PLPPR1: variants seen among roughly 807,000 people sequenced by gnomAD.
PLPPR1 encodes the protein phospholipid phosphatase-related protein type 1.
Under a neutral mutation model 33.1 loss-of-function variants are expected in PLPPR1, and 10 were observed. The observed-to-expected ratio is 0.30, with a 90% CI of 0.19 to 0.51. The LOEUF is 0.51. PLPPR1 is among the 20% of genes least tolerant of loss of function. PLPPR1 has a pLI of 0.97. For synonymous variants in PLPPR1, 151 were observed against 151.0 expected, an observed-to-expected ratio of 1.00 and a Z score of 0.00; for missense variants, 304 against 408.1, an observed-to-expected ratio of 0.74 and a Z score of 2.20.
chr9:101,296,710 A>G (rs1198004902), intron 4 of PLPPR1, among the ~76,000 whole-genome samples: 2 of 151,460 alleles, frequency 1.3e-5, no homozygotes, highest in African/African-American at 4.9e-5. Flanking sequence ...AAAACCAAAC[A>G]CCGTATATTT....
At chr9:101,252,781 G>A (rs541015195) in intron 2 of PLPPR1, among the ~76,000 whole-genome samples, 2 of 151,474 alleles carry the variant, frequency 1.3e-5, no homozygotes, top group Non-Finnish European at 2.9e-5. Flanking sequence ...CTGTTTGAAA[G>A]CAAATGTAGG....
intron 2 of PLPPR1, among the ~76,000 whole-genome samples, chr9:101,193,411 T>C (rs1826336500): frequency 6.6e-6 from 1 of 152,134 alleles, no homozygotes; most frequent in Non-Finnish European, 1.5e-5. Flanking sequence ...ACAAATCTCA[T>C]AAGTATAAGA....
intron 3 of PLPPR1, among the ~76,000 whole-genome samples, chr9:101,271,662 T>A (rs957064495): frequency 3.9e-5 from 6 of 152,100 alleles, no homozygotes; most frequent in Non-Finnish European, 8.8e-5. Context: ...TCTGGTATGG[T>A]TTCATGGTGG....
chr9:101,034,589 G>A (rs1362693505), intron 1 of PLPPR1, among the ~76,000 whole-genome samples: 1 of 152,020 alleles, frequency 6.6e-6, no homozygotes, highest in African/African-American at 2.4e-5. Flanking sequence ...TGCGACTTTG[G>A]GCACACAGTT....
At chr9:101,034,882 A>G (rs1377065719) in intron 1 of PLPPR1, among the ~76,000 whole-genome samples, 1 of 152,170 alleles carries the variant, frequency 6.6e-6, no homozygotes, top group African/African-American at 2.4e-5. Flanking sequence ...AAATTAAATC[A>G]GCAGACACAA....
chr9:101,094,007 G>A (rs1830783337), intron 1 of PLPPR1, among the ~76,000 whole-genome samples: 1 of 152,124 alleles, frequency 6.6e-6, no homozygotes. Flanking sequence ...CAGCTCTCCT[G>A]CTCCTCCTTT....
At chr9:101,231,376 T>TA (rs1827182399) in intron 2 of PLPPR1, among the ~76,000 whole-genome samples, 1 of 145,322 alleles carries the variant, frequency 6.9e-6, no homozygotes, top group Non-Finnish European at 1.5e-5. Flanking sequence ...TTTTTTTTTT[T>TA]AGTTTTGGTT....
chr9:101,300,746 T>C (rs924636771), intron 4 of PLPPR1, among the ~76,000 whole-genome samples: 4 of 152,244 alleles, frequency 2.6e-5, no homozygotes, highest in African/African-American at 9.6e-5. Flanking sequence ...TACATTTTTT[T>C]CTCCACATTT....
At chr9:101,270,101 T>C in intron 3 of PLPPR1, 33 bp downstream of exon 3, 1 of 1,600,398 alleles carries the variant, frequency 6.2e-7, no homozygotes, top group Middle Eastern at 1.7e-4. Context: ...CTCTTTATTG[T>C]CAGATACCCA....
intron 1 of PLPPR1, among the ~76,000 whole-genome samples, chr9:101,128,256 A>G (rs1239054097): frequency 6.6e-6 from 1 of 152,182 alleles, no homozygotes; most frequent in Non-Finnish European, 1.5e-5. Flanking sequence ...GCTGTAGAGA[A>G]ATTCAAAGGA....
chr9:101,041,418 G>T (rs1034943799), intron 1 of PLPPR1, among the ~76,000 whole-genome samples: 1 of 152,146 alleles, frequency 6.6e-6, no homozygotes, highest in Non-Finnish European at 1.5e-5. Flanking sequence ...ACAGATTAAG[G>T]AATCAAGGTG....
At chr9:101,099,205 C>T (rs1347735700) in intron 1 of PLPPR1, among the ~76,000 whole-genome samples, 2 of 152,132 alleles carry the variant, frequency 1.3e-5, no homozygotes, top group Non-Finnish European at 2.9e-5. Context: ...AAACCAGCAA[C>T]AGCAAAACAA....
At chr9:101,168,955 T>G (rs934499956) in intron 1 of PLPPR1, among the ~76,000 whole-genome samples, 1 of 152,150 alleles carries the variant, frequency 6.6e-6, no homozygotes, top group African/African-American at 2.4e-5. Flanking sequence ...TAATAGGGGT[T>G]TCATTATTAA....
In PLPPR1 at chr9:101,180,092, C is replaced by A. The variant is rs868381957; in HGVS notation, c.-45-5358C>A. ...GTGAGTTAATACTTAATAAACTCTC[C>A]TTTATATATATATATATATATATAT... On this transcript the variant is annotated intron_variant, in intron 1 of 7. Transcript: ENST00000374874. 6.2e-4 allele frequency among the ~76,000 whole-genome samples: 37 copies of A among 59,736 alleles called. 1 individual carries two copies. Among genetic ancestry groups the A allele is most frequent in the Admixed American group, 7.8e-4 (3 of 3,832 alleles). The allele number at this position is 59,736 out of a possible 152,430, so 39.2% of individuals were successfully genotyped here. A position where few individuals can be genotyped will look rare whatever the true frequency, so the allele number is the denominator to read the frequency against.
In PLPPR1 at chr9:101,255,830, CA is replaced by C. The variant is rs200260999; in HGVS notation, c.64-14046del. ...AATATTTAGATGTGCCTTTGCAAAGCAAAACAATTTTCCCCAATAGTGCATC... is the reference window on the plus strand; with the variant it reads ...AATATTTAGATGTGCCTTTGCAAAGCAAACAATTTTCCCCAATAGTGCATC... On this transcript the variant is annotated intron_variant, in intron 2 of 7. Transcript: ENST00000374874. Among the ~76,000 whole-genome samples the C allele has an allele frequency of 7.1e-3, 1,078 of 152,198 alleles. 9 individuals are homozygous for C. Among genetic ancestry groups the C allele is most frequent in the Non-Finnish European group, 0.012 (790 of 67,994 alleles).
intron 2 of PLPPR1, among the ~76,000 whole-genome samples, chr9:101,248,267 G>A (rs185219789): frequency 1.2e-4 from 18 of 152,200 alleles, no homozygotes; most frequent in Admixed American, 1.0e-3. Flanking sequence ...TACCTGTCAT[G>A]AACAACATTA....
chr9:101,314,672 A>G (rs1037507061), intron 6 of PLPPR1, among the ~76,000 whole-genome samples: 16 of 152,196 alleles, frequency 1.1e-4, no homozygotes, highest in African/African-American at 3.9e-4. Context: ...GTGTTGACGC[A>G]GACACAAAGT....
At chr9:101,233,831 G>A (rs1376901859) in intron 2 of PLPPR1, among the ~76,000 whole-genome samples, 1 of 151,840 alleles carries the variant, frequency 6.6e-6, no homozygotes, top group African/African-American at 2.4e-5. Flanking sequence ...TTCAGAAAGT[G>A]GCCAGAACAA....
At chr9:101,031,267 C>T (rs765239470) in intron 1 of PLPPR1, among the ~76,000 whole-genome samples, 1 of 152,040 alleles carries the variant, frequency 6.6e-6, no homozygotes, top group Non-Finnish European at 1.5e-5. Flanking sequence ...TATATATTTC[C>T]TCTTCCTTCA....
Sources: allele counts gnomAD v4.1 joint callset (sites outside exome capture counted in the v4.1 genomes callset), GRCh38; gene constraint gnomAD v4.1.1; transcripts MANE v1.5; gene names NCBI Gene and HGNC (gene_info 2026-07-23, HGNC 2026-07-21).